RANBP2: variants seen among roughly 807,000 people sequenced by gnomAD.
RANBP2 encodes the protein E3 SUMO-protein ligase RanBP2.
Under a neutral mutation model 303.6 loss-of-function variants are expected in RANBP2, and 57 were observed. The ratio of observed to expected loss-of-function variants is 0.19; its 90% CI spans 0.15 to 0.23. The LOEUF is 0.23. Ranked by LOEUF, RANBP2 falls within the 10% of genes least tolerant of loss-of-function variation. RANBP2 has a pLI of 1.00. For missense variants in RANBP2, 3,138 were observed against 3,780.8 expected, an observed-to-expected ratio of 0.83 and a Z score of 4.46; for synonymous variants, 1,167 against 1,301.5, an observed-to-expected ratio of 0.90 and a Z score of 2.23.
the RANBP2 span, among the ~76,000 whole-genome samples, chr2:108,865,744 C>G: frequency 1.3e-5 from 2 of 152,134 alleles, no homozygotes; most frequent in African/African-American, 2.4e-5. Flanking sequence ...ACACGGTACT[C>G]CCCTATCCAT....
At chr2:109,028,844 G>A in the RANBP2 span, among the ~76,000 whole-genome samples, 1 of 152,186 alleles carries the variant, frequency 6.6e-6, no homozygotes, top group Non-Finnish European at 1.5e-5. Context: ...ACACTCTCAG[G>A]ATCTGTGTGG....
the RANBP2 span, among the ~76,000 whole-genome samples, chr2:109,514,041 A>G: frequency 6.6e-6 from 1 of 152,206 alleles, no homozygotes; most frequent in African/African-American, 2.4e-5. Flanking sequence ...ACTCAAAGCT[A>G]GAACGGAGAA....
chr2:109,591,692 T>G, the RANBP2 span, among the ~76,000 whole-genome samples: 2 of 151,550 alleles, frequency 1.3e-5, no homozygotes, highest in African/African-American at 2.4e-5. Flanking sequence ...AGGCCAGGAG[T>G]TCAAGACCAG....
At chr2:108,794,682 GAT>G in the RANBP2 span, 1 of 1,613,618 alleles carries the variant, frequency 6.2e-7, no homozygotes, top group East Asian at 2.2e-5. Flanking sequence ...AGATCAGTCA[GAT>G]ATATGACGAA....
the RANBP2 span, among the ~76,000 whole-genome samples, chr2:108,875,587 G>A: frequency 4.4e-4 from 67 of 152,338 alleles, no homozygotes; most frequent in African/African-American, 1.5e-3. Flanking sequence ...GCTGGGCACA[G>A]TGGTTCACAT....
At chr2:109,794,752 C>G in the RANBP2 span, 2 of 354,826 alleles carry the variant, frequency 5.6e-6, no homozygotes, top group Non-Finnish European at 6.4e-6. Flanking sequence ...CAGGAAGAGT[C>G]CTGGGGGGAC....
chr2:108,851,225 G>A, the RANBP2 span, among the ~76,000 whole-genome samples: 9 of 152,280 alleles, frequency 5.9e-5, no homozygotes, highest in South Asian at 1.9e-3. Context: ...GGAGCACCAC[G>A]CTCCAGAAAT....
At chr2:108,815,007 A>G in the RANBP2 span, among the ~76,000 whole-genome samples, 1 of 151,954 alleles carries the variant, frequency 6.6e-6, no homozygotes, top group Non-Finnish European at 1.5e-5. Flanking sequence ...GTATCTTATT[A>G]AAAAAAATTG....
chr2:109,200,028 A>G, the RANBP2 span, among the ~76,000 whole-genome samples: 1 of 152,010 alleles, frequency 6.6e-6, no homozygotes, highest in Admixed American at 6.5e-5. Context: ...GCTGTGATGC[A>G]TGGGACAGCC....
chr2:109,580,240 C>G, the RANBP2 span, among the ~76,000 whole-genome samples: 1 of 150,930 alleles, frequency 6.6e-6, no homozygotes, highest in Non-Finnish European at 1.5e-5. Flanking sequence ...ATTATGATCT[C>G]AGAATGGTAT....
the RANBP2 span, among the ~76,000 whole-genome samples, chr2:109,625,498 C>CAA: frequency 8.0e-3 from 1,065 of 133,550 alleles, 5 homozygotes; most frequent in Middle Eastern, 0.019. Flanking sequence ...ACTAAAAATA[C>CAA]AAAAAAAAAA....
At chr2:109,011,359 C>T in the RANBP2 span, among the ~76,000 whole-genome samples, 12 of 152,130 alleles carry the variant, frequency 7.9e-5, no homozygotes, top group African/African-American at 1.4e-4. Flanking sequence ...TCTAGGTTAG[C>T]GATCATGTTC....
chr2:109,614,939 CG>C, the RANBP2 span: 1 of 1,514,326 alleles, frequency 6.6e-7, no homozygotes, highest in Non-Finnish European at 8.8e-7. Context: ...CCCTGAGCGC[CG>C]GGGCTCGCAG....
the RANBP2 span, among the ~76,000 whole-genome samples, chr2:109,715,989 C>G: frequency 6.6e-6 from 1 of 152,132 alleles, no homozygotes; most frequent in Non-Finnish European, 1.5e-5. Context: ...TGAGACAGGT[C>G]TCAATTTAGA....
At chr2:109,453,019 C>T in the RANBP2 span, among the ~76,000 whole-genome samples, 5 of 151,742 alleles carry the variant, frequency 3.3e-5, no homozygotes, top group South Asian at 2.1e-4. Flanking sequence ...AACTGGTCCC[C>T]GGGAGGCTGG....
chr2:108,847,342 A>G, the RANBP2 span, among the ~76,000 whole-genome samples: 164 of 152,316 alleles, frequency 1.1e-3, 4 homozygotes, highest in East Asian at 3.9e-4. Flanking sequence ...TATATTGTCT[A>G]TGACTCTTTG....
the RANBP2 span, among the ~76,000 whole-genome samples, chr2:109,687,540 A>G: frequency 6.6e-6 from 1 of 152,080 alleles, no homozygotes; most frequent in African/African-American, 2.4e-5. Context: ...ACCTAGCCTC[A>G]TTTGTAACTT....
At chr2:108,865,497 A>G in the RANBP2 span, among the ~76,000 whole-genome samples, 1 of 152,142 alleles carries the variant, frequency 6.6e-6, no homozygotes, top group Non-Finnish European at 1.5e-5. Flanking sequence ...TGTGCCATAG[A>G]CAAAATAATT....
the RANBP2 span, among the ~76,000 whole-genome samples, chr2:109,690,837 C>T: frequency 6.6e-6 from 1 of 152,092 alleles, no homozygotes; most frequent in Non-Finnish European, 1.5e-5. Flanking sequence ...TTTGTTTTTT[C>T]CCTTTGCCCC....
Sources: gnomAD v4.1 joint callset for allele counts (sites outside exome capture counted in the v4.1 genomes callset) on GRCh38, gnomAD v4.1.1 for gene constraint, MANE v1.5 for transcripts, NCBI Gene and HGNC (gene_info 2026-07-23, HGNC 2026-07-21) for gene names.